Variants in TNNI3K observed in about 807,000 individuals in gnomAD.
TNNI3K encodes the protein serine/threonine-protein kinase TNNI3K.
TNNI3K carries 140 observed loss-of-function variants against 114.5 expected under a neutral mutation model. That is an observed-to-expected ratio of 1.22 (90% CI 1.07 to 1.41). TNNI3K has a LOEUF of 1.41. TNNI3K is among the 40% of genes most tolerant of loss of function. The probability of loss-of-function intolerance (pLI) is 0.00; values close to 1 mark genes in which losing one functional copy is unlikely to be tolerated. For synonymous variants in TNNI3K, 347 were observed against 347.5 expected, an observed-to-expected ratio of 1.00 and a Z score of 0.02; for missense variants, 1,125 against 1,007.6, an observed-to-expected ratio of 1.12 and a Z score of -1.58.
intron 17 of TNNI3K, among the ~76,000 whole-genome samples, chr1:74,386,760 T>G (rs1663501446): frequency 6.6e-6 from 1 of 152,170 alleles, no homozygotes; most frequent in Non-Finnish European, 1.5e-5. Context: ...TTAAAATTAG[T>G]TGACAGAAAG....
At chr1:74,322,450 A>G (rs1412945257) in intron 5 of TNNI3K, among the ~76,000 whole-genome samples, 1 of 147,548 alleles carries the variant, frequency 6.8e-6, no homozygotes, top group Non-Finnish European at 1.5e-5. Context: ...TGTCATTCTG[A>G]CTAATTCTAC....
intron 21 of TNNI3K, among the ~76,000 whole-genome samples, chr1:74,485,811 A>C (rs908878477): frequency 6.6e-6 from 1 of 152,162 alleles, no homozygotes; most frequent in African/African-American, 2.4e-5. Flanking sequence ...CTAGAATTTG[A>C]GAGTCATTTC....
Position 74,544,208 on chromosome 1 carries a change from T to TTTTAA in TNNI3K, c.*230_*234dup. ...AGACAGAATGTATATGAAGAATTGT[T>TTTTAA]TTTAATTTTGTAAATTAAAAAAAAA... is the stretch of plus-strand genomic sequence containing the variant. On this transcript the variant is annotated 3_prime_UTR_variant, in exon 25 of 25. Transcript: ENST00000326637. 1 of 455,616 alleles carries TTTTAA rather than the reference T, an allele frequency of 2.2e-6. No individual in the cohort carries two copies. Among genetic ancestry groups the TTTTAA allele is most frequent in the Non-Finnish European group, 3.8e-6 (1 of 265,550 alleles). 28.2% of individuals were successfully genotyped at this position (455,616 alleles called of 1,614,324 possible). A position where few individuals can be genotyped will look rare whatever the true frequency, so the allele number is the denominator to read the frequency against.
chr1:74,510,014 T>C (rs1369079258), intron 23 of TNNI3K, among the ~76,000 whole-genome samples: 1 of 152,168 alleles, frequency 6.6e-6, no homozygotes, highest in Non-Finnish European at 1.5e-5. Context: ...TTCCAAGGTG[T>C]GAGCCTATGC....
intron 17 of TNNI3K, among the ~76,000 whole-genome samples, chr1:74,409,009 G>A (rs1300210100): frequency 2.0e-5 from 3 of 150,544 alleles, no homozygotes; most frequent in East Asian, 3.9e-4. Context: ...AAAAAAAATA[G>A]AGTCTTCTTA....
chr1:74,536,691 T>A (rs1646664672), intron 23 of TNNI3K, among the ~76,000 whole-genome samples: 1 of 152,178 alleles, frequency 6.6e-6, no homozygotes, highest in Admixed American at 6.6e-5. Context: ...TAGGAGCTAA[T>A]AATTCATATA....
At chr1:74,346,022 C>T (rs1020328047) in intron 9 of TNNI3K, 1 of 152,158 alleles carries the variant, frequency 6.6e-6, no homozygotes, top group African/African-American at 2.4e-5. Context: ...CTGGAAAGAA[C>T]TGATAATGAA....
intron 20 of TNNI3K, among the ~76,000 whole-genome samples, chr1:74,461,223 G>A (rs1667440997): frequency 6.6e-6 from 1 of 152,212 alleles, no homozygotes; most frequent in Non-Finnish European, 1.5e-5. Flanking sequence ...CCTCACGCCT[G>A]TAATCCCAGC....
chr1:74,463,608 A>T lies in TNNI3K; in HGVS notation c.2121+58A>T, dbSNP rs967996003. 8 of 1,579,182 alleles carry T rather than the reference A, an allele frequency of 5.1e-6. No homozygotes were observed. In the East Asian group the frequency reaches 1.6e-4, roughly 31 times the overall value. On this transcript the variant is annotated intron_variant, in intron 21 of 24. Coordinates refer to ENST00000326637, the MANE Select transcript of TNNI3K (RefSeq NM_015978.3). ...GTTATGGTCAAAATCTGTCACAAAT[A>T]GTATAACTCCAAAGTCTACTTTCAG...
At chr1:74,257,899 C>A (rs1409459415) in intron 4 of TNNI3K, among the ~76,000 whole-genome samples, 2 of 151,952 alleles carry the variant, frequency 1.3e-5, no homozygotes, top group African/African-American at 4.8e-5. Flanking sequence ...GATCTCCTGA[C>A]CTTGTGATCC....
intron 5 of TNNI3K, among the ~76,000 whole-genome samples, chr1:74,328,503 A>G (rs1242554406): frequency 1.3e-5 from 2 of 152,094 alleles, no homozygotes; most frequent in Non-Finnish European, 2.9e-5. Context: ...CATGAATTCT[A>G]CTCATTAGCT....
intron 23 of TNNI3K, among the ~76,000 whole-genome samples, chr1:74,535,933 T>C (rs1196322709): frequency 6.6e-6 from 1 of 152,142 alleles, no homozygotes; most frequent in African/African-American, 2.4e-5. Context: ...CCTATTGATT[T>C]CCCCTTATTA....
chr1:74,265,791 CAT>C (rs150018029), intron 4 of TNNI3K, among the ~76,000 whole-genome samples: 5,311 of 151,964 alleles, frequency 0.035, 257 homozygotes, highest in African/African-American at 0.12. Flanking sequence ...GGTTAAGAAA[CAT>C]GTCGCAAATG....
chr1:74,264,095 G>C (rs1415724166), intron 4 of TNNI3K, among the ~76,000 whole-genome samples: 8 of 151,386 alleles, frequency 5.3e-5, no homozygotes, highest in Non-Finnish European at 8.9e-5. Flanking sequence ...GGATGGCAGA[G>C]GTGAGGGGAA....
At chr1:74,275,376 C>G (rs367622472) in intron 5 of TNNI3K, among the ~76,000 whole-genome samples, 1 of 152,030 alleles carries the variant, frequency 6.6e-6, no homozygotes, top group Non-Finnish European at 1.5e-5. Flanking sequence ...TTCACTGCCA[C>G]GAGAACAGTA....
At chr1:74,381,433 A>G (rs1663199237) in intron 17 of TNNI3K, among the ~76,000 whole-genome samples, 1 of 152,168 alleles carries the variant, frequency 6.6e-6, no homozygotes, top group African/African-American at 2.4e-5. Flanking sequence ...TCTTTTCACT[A>G]TTAAATTTTC....
At chr1:74,333,760 G>A (rs1660331843) in intron 6 of TNNI3K, among the ~76,000 whole-genome samples, 1 of 152,206 alleles carries the variant, frequency 6.6e-6, no homozygotes, top group Non-Finnish European at 1.5e-5. Flanking sequence ...AAGTGGAAGA[G>A]TAGATGTTTT....
intron 17 of TNNI3K, among the ~76,000 whole-genome samples, chr1:74,391,920 T>C (rs1663791670): frequency 6.6e-6 from 1 of 151,884 alleles, no homozygotes; most frequent in Admixed American, 6.6e-5. Flanking sequence ...GAGCAAAACA[T>C]TCAGATGGTC....
chr1:74,286,522 AG>A (rs993742843), intron 5 of TNNI3K, among the ~76,000 whole-genome samples: 7 of 152,072 alleles, frequency 4.6e-5, no homozygotes, highest in Non-Finnish European at 8.8e-5. Flanking sequence ...CTCAGGTACG[AG>A]GCTCATTCAT....
Sources: gnomAD v4.1 joint callset for allele counts (sites outside exome capture counted in the v4.1 genomes callset) on GRCh38, gnomAD v4.1.1 for gene constraint, MANE v1.5 for transcripts, NCBI Gene and HGNC (gene_info 2026-07-23, HGNC 2026-07-21) for gene names.